Variants in ZNF385D observed in about 807,000 individuals in gnomAD.
ZNF385D encodes the protein zinc finger protein 659.
ZNF385D carries 15 observed loss-of-function variants against 35.8 expected under a neutral mutation model. The ratio of observed to expected loss-of-function variants is 0.42; its 90% CI spans 0.28 to 0.64. ZNF385D has a LOEUF of 0.64. ZNF385D is among the 30% of genes least tolerant of loss of function. The probability of loss-of-function intolerance (pLI) is 0.23; values close to 1 mark genes in which losing one functional copy is unlikely to be tolerated. For missense variants in ZNF385D, 474 were observed against 494.6 expected (o/e 0.96, Z 0.39); for synonymous variants, 212 against 186.8 (o/e 1.13, Z -1.10).
At chr3:22,267,306 C>T (rs1468683160) in intron 2 of ZNF385D, among the ~76,000 whole-genome samples, 2 of 151,866 alleles carry the variant, frequency 1.3e-5, no homozygotes, top group East Asian at 3.9e-4. Flanking sequence ...AAATTCCTTC[C>T]TTGTCATAAC....
intron 4 of ZNF385D, among the ~76,000 whole-genome samples, chr3:21,438,622 G>A (rs967599968): frequency 2.6e-5 from 4 of 152,010 alleles, no homozygotes; most frequent in African/African-American, 9.7e-5. Flanking sequence ...TTGAAGGGCT[G>A]TTGTATAAAA....
chr3:21,805,597 C>A (rs1003435548), intron 3 of ZNF385D, among the ~76,000 whole-genome samples: 2 of 152,258 alleles, frequency 1.3e-5, no homozygotes, highest in African/African-American at 4.8e-5. Context: ...CTTCTGAGGA[C>A]CAATTTTGTC....
chr3:21,733,789 T>G (rs1224762038), intron 1 of ZNF385D, among the ~76,000 whole-genome samples: 1 of 152,186 alleles, frequency 6.6e-6, no homozygotes, highest in African/African-American at 2.4e-5. Context: ...GGAATCCACT[T>G]TACTTATTTG....
intron 3 of ZNF385D, among the ~76,000 whole-genome samples, chr3:22,071,429 T>C (rs1164123564): frequency 6.6e-6 from 1 of 152,064 alleles, no homozygotes; most frequent in Non-Finnish European, 1.5e-5. Flanking sequence ...ATACTAGAGG[T>C]CACTAGGTGA....
In ZNF385D at chr3:22,104,265, A is replaced by G. The variant is rs375577127; in HGVS notation, c.325+64552T>C. On this transcript the variant is annotated intron_variant, in intron 3 of 5. Transcript: ENST00000494108. ...ATGGCATCCTCTGTAGAGTGCCATC[A>G]CTCTCTCCTTTCACATTCACTAAAA... is the stretch of plus-strand genomic sequence containing the variant. Among the ~76,000 whole-genome samples, 6 of 151,414 alleles carry G rather than the reference A, an allele frequency of 4.0e-5. 1 individual carries two copies. Among genetic ancestry groups the G allele is most frequent in the African/African-American group, 1.5e-4 (6 of 41,266 alleles).
chr3:21,540,904 C>A (rs530618277), intron 3 of ZNF385D, among the ~76,000 whole-genome samples: 1 of 152,100 alleles, frequency 6.6e-6, no homozygotes, highest in South Asian at 2.1e-4. Context: ...CAAACGACTG[C>A]AATCTTTACC....
intron 4 of ZNF385D, among the ~76,000 whole-genome samples, chr3:21,500,243 T>C (rs1192355149): frequency 6.6e-6 from 1 of 152,194 alleles, no homozygotes; most frequent in Non-Finnish European, 1.5e-5. Flanking sequence ...TGTTACTATG[T>C]ACTTTGGTAT....
intron 2 of ZNF385D, among the ~76,000 whole-genome samples, chr3:22,225,793 A>T (rs749460747): frequency 1.4e-4 from 22 of 152,230 alleles, no homozygotes; most frequent in Non-Finnish European, 2.5e-4. Flanking sequence ...TTTTACACTC[A>T]TCTCAGATAT....
At chr3:21,816,607 C>T (rs1420923861) in intron 3 of ZNF385D, among the ~76,000 whole-genome samples, 2 of 152,072 alleles carry the variant, frequency 1.3e-5, no homozygotes, top group African/African-American at 2.4e-5. Context: ...GAATAAGATA[C>T]CTAGGAATCC....
chr3:22,228,607 G>A (rs1174548501), intron 2 of ZNF385D, among the ~76,000 whole-genome samples: 1 of 152,210 alleles, frequency 6.6e-6, no homozygotes. Context: ...ATCTGTGATG[G>A]TTAATACTGA....
chr3:21,682,420 C>T (rs911909092), intron 1 of ZNF385D, among the ~76,000 whole-genome samples: 1 of 150,030 alleles, frequency 6.7e-6, no homozygotes, highest in African/African-American at 2.5e-5. Context: ...GACTTAATTG[C>T]CTTCAAATAT....
Position 22,117,695 on chromosome 3 carries a change from C to G in ZNF385D, c.325+51122G>C, listed in dbSNP as rs140597481. Among the ~76,000 whole-genome samples the G allele has an allele frequency of 2.6e-3, 396 of 151,868 alleles. 1 individual carries two copies. The highest frequency in any genetic ancestry group is 9.2e-3 in the African/African-American group (383 of 41,462). On this transcript the variant is annotated intron_variant, in intron 3 of 5. Transcript: ENST00000494108. Reference sequence around the variant, plus strand: ...CAAATTTCTAACTTGATCAACATTACTGGTAATATTACCATTGATTATTAA... The same window carrying G: ...CAAATTTCTAACTTGATCAACATTAGTGGTAATATTACCATTGATTATTAA...
chr3:22,034,445 G>T (rs1006666808), intron 3 of ZNF385D, among the ~76,000 whole-genome samples: 3 of 151,892 alleles, frequency 2.0e-5, no homozygotes, highest in African/African-American at 4.8e-5. Context: ...TAGTCTTAGC[G>T]GCCCAACTAA....
chr3:21,830,203 T>C (rs548640193), intron 3 of ZNF385D, among the ~76,000 whole-genome samples: 2 of 152,296 alleles, frequency 1.3e-5, no homozygotes, highest in African/African-American at 4.8e-5. Context: ...TAAAAATTCA[T>C]CTCTGTATTC....
intron 3 of ZNF385D, among the ~76,000 whole-genome samples, chr3:22,080,675 TG>T (rs1700702953): frequency 1.3e-5 from 2 of 152,150 alleles, no homozygotes; most frequent in South Asian, 4.1e-4. Context: ...ATATTCTGAA[TG>T]TTTTTTGTCC....
At chr3:21,694,951 G>T (rs2067419253) in intron 1 of ZNF385D, among the ~76,000 whole-genome samples, 1 of 152,172 alleles carries the variant, frequency 6.6e-6, no homozygotes, top group African/African-American at 2.4e-5. Context: ...GCATCAGCTT[G>T]GCTTTTAAAG....
intron 4 of ZNF385D, among the ~76,000 whole-genome samples, chr3:21,491,032 C>T (rs1373312742): frequency 9.6e-6 from 1 of 104,210 alleles, no homozygotes; most frequent in Admixed American, 1.2e-4. Flanking sequence ...AGCTGGTGAC[C>T]CAATCCTAAC....
intron 3 of ZNF385D, among the ~76,000 whole-genome samples, chr3:21,768,820 T>C (rs1261961103): frequency 6.6e-6 from 1 of 151,872 alleles, no homozygotes; most frequent in Non-Finnish European, 1.5e-5. Context: ...CCATCCCCAG[T>C]TGAAATAACA....
intron 3 of ZNF385D, among the ~76,000 whole-genome samples, chr3:22,139,566 G>T (rs1704366855): frequency 2.0e-5 from 3 of 149,992 alleles, no homozygotes; most frequent in Non-Finnish European, 3.0e-5. Flanking sequence ...ATTGAACAAT[G>T]AGAACACATG....
Sources: gnomAD v4.1 joint callset for allele counts (sites outside exome capture counted in the v4.1 genomes callset) on GRCh38, gnomAD v4.1.1 for gene constraint, MANE v1.5 for transcripts, NCBI Gene and HGNC (gene_info 2026-07-23, HGNC 2026-07-21) for gene names.